Variants in SVEP1 observed in about 807,000 individuals in gnomAD.
SVEP1 encodes sushi, von Willebrand factor type A, EGF and pentraxin domain-containing protein 1.
A neutral mutation model predicts 367.3 loss-of-function variants in SVEP1; 164 were observed. The ratio of observed to expected loss-of-function variants is 0.45; its 90% confidence interval spans 0.39 to 0.51. The LOEUF is 0.51. SVEP1 is among the 20% of genes least tolerant of loss of function. SVEP1 has a pLI of 0.00. For synonymous variants in SVEP1, 1,666 were observed against 1,611.6 expected (o/e 1.03, Z -0.81); for missense variants, 4,117 against 4,425.3 (o/e 0.93, Z 1.98).
chr9:110,560,580 C>A (rs182010947), intron 1 of SVEP1, among the ~76,000 whole-genome samples: 1 of 152,170 alleles, frequency 6.6e-6, no homozygotes, highest in Non-Finnish European at 1.5e-5. Flanking sequence ...CAACTTCCAA[C>A]GTGAAGTTCC....
rs556616958 is a variant in SVEP1 at position 110,460,801 on chromosome 9, T to A, written c.3323-1688A>T. Among the ~76,000 whole-genome samples the A allele has an allele frequency of 5.1e-4, 77 of 152,138 alleles. 1 individual carries two copies. Among genetic ancestry groups the A allele is most frequent in the Non-Finnish European group, 2.6e-4 (18 of 68,014 alleles). ...TCAAGGAAGGTATTAAAATCTTCCA[T>A]GAAAATTTTATTTTTACAATTTACC... On this transcript the variant is annotated intron_variant, in intron 18 of 47. Coordinates refer to ENST00000374469, the MANE Select transcript of SVEP1 (RefSeq NM_153366.4).
At chr9:110,410,360 G>T (rs927218824) in intron 37 of SVEP1, among the ~76,000 whole-genome samples, 2 of 152,088 alleles carry the variant, frequency 1.3e-5, no homozygotes, top group African/African-American at 4.8e-5. Flanking sequence ...GAACTCTTTT[G>T]TCCATCACAG....
At chr9:110,447,206 C>T in intron 24 of SVEP1, 149 bp from the exon 25 acceptor site, 1 of 682,352 alleles carries the variant, frequency 1.5e-6, no homozygotes, top group South Asian at 3.8e-5. Context: ...TTACTTTTTC[C>T]AGTTCACTTG....
At chr9:110,387,930 GTTTACA>G (rs1827551773) in intron 41 of SVEP1, among the ~76,000 whole-genome samples, 1 of 151,984 alleles carries the variant, frequency 6.6e-6, no homozygotes, top group Non-Finnish European at 1.5e-5. Context: ...ATATTTATAA[GTTTACA>G]TTTAAATTAT....
At chr9:110,482,315 T>C (rs762946609) in intron 11 of SVEP1, 46 bp downstream of exon 11, 6 of 1,589,574 alleles carry the variant, frequency 3.8e-6, no homozygotes, top group Non-Finnish European at 5.1e-6. Flanking sequence ...AGCAATGACA[T>C]GTGTCAAATG....
chr9:110,579,467 G>T lies in SVEP1; in HGVS notation c.77C>A (p.Pro26Gln), dbSNP rs1275426218. 6.2e-7 allele frequency: 1 copy of T among 1,603,204 alleles called. No individual in the cohort carries two copies. The highest frequency in any genetic ancestry group is 1.3e-5 in the African/African-American group (1 of 74,740). ...SGWATFQQMSPSRNFSFRLFP... is the reference protein window; with the variant it reads ...SGWATFQQMSQSRNFSFRLFP... ...GAGGCGGAAGCTGAAATTGCGCGACGGGGACATCTGCTGAAAGGTCGCCCA... is the reference window on the plus strand; with the variant it reads ...GAGGCGGAAGCTGAAATTGCGCGACTGGGACATCTGCTGAAAGGTCGCCCA... The change falls in exon 1 of 48, where the codon CCG becomes CAG. Residue 26 changes from proline (P) to glutamine (Q), a missense_variant. Physicochemically the swap from Pro to Gln is moderately conservative, Grantham distance 76 (BLOSUM62 -1). Around this residue, in one of 4 missense-constraint regions of SVEP1, gnomAD observed 161 missense variants for 122.4 expected, o/e 1.32. Coordinates refer to ENST00000374469, the MANE Select transcript of SVEP1 (RefSeq NM_153366.4). The surrounding 1 kb of genome is among the most constrained non-coding windows in gnomAD (Gnocchi z 5.3).
intron 8 of SVEP1, among the ~76,000 whole-genome samples, chr9:110,491,303 T>C (rs1172661263): frequency 1.3e-5 from 2 of 152,124 alleles, no homozygotes; most frequent in East Asian, 1.9e-4. Context: ...AACAGTACTT[T>C]TGAAATACAT....
In SVEP1 at chr9:110,434,498, G is replaced by A. The variant is rs368005288; in HGVS notation, c.4897C>T (p.Arg1633Cys). The stretch of plus-strand genomic sequence containing the variant: ...AGATGAGGCACTGACCCTCCTAAGC[G>A]TGGGCAATCTGAGGGCAAAGAACAC... ...SKSIFCSDCP[R>C]LGGSVPHLRT... is the part of the protein sequence containing the mutation. The change falls in exon 30 of 48, where the codon CGC becomes TGC. Residue 1633 changes from arginine (R) to cysteine (C), a missense_variant. Transcript: ENST00000374469. The A allele has an allele frequency of 1.9e-5, 30 of 1,612,660 alleles. No homozygotes were observed. The highest frequency in any genetic ancestry group is 5.5e-5 in the South Asian group (5 of 90,932).
At chr9:110,530,948 T>C (rs1458249696) in intron 3 of SVEP1, among the ~76,000 whole-genome samples, 1 of 152,220 alleles carries the variant, frequency 6.6e-6, no homozygotes, top group Non-Finnish European at 1.5e-5. Flanking sequence ...TTCTTGTTAG[T>C]ATAAATGGAA....
chr9:110,457,467 A>C (rs1828793237), intron 20 of SVEP1, 115 bp from the exon 21 acceptor site: 3 of 766,022 alleles, frequency 3.9e-6, no homozygotes, highest in Non-Finnish European at 6.5e-6. Flanking sequence ...GTTTCCAGGT[A>C]AGTTCACTCA....
intron 1 of SVEP1, among the ~76,000 whole-genome samples, chr9:110,551,731 G>T (rs1196679833): frequency 6.6e-6 from 1 of 152,178 alleles, no homozygotes; most frequent in African/African-American, 2.4e-5. Flanking sequence ...TGGAATGAAT[G>T]CTTGGTAAGT....
chr9:110,404,598 T>C (rs1373004065), intron 38 of SVEP1, 46 bp from the exon 39 acceptor site: 21 of 1,543,288 alleles, frequency 1.4e-5, no homozygotes, highest in Non-Finnish European at 1.6e-5. Flanking sequence ...AAGTACAATA[T>C]AGTTTCTGAT....
rs117538534 is a variant in SVEP1, at chr9:110,568,820, C to A, written c.531+10193G>T. On this transcript the variant is annotated intron_variant, in intron 1 of 47. Transcript: ENST00000374469. Reference sequence around the variant, plus strand: ...CCAACTTTGAAATTAGAAAGACAGGCCAGGAGTGATGGCTCATGCCTATAA... The same window carrying A: ...CCAACTTTGAAATTAGAAAGACAGGACAGGAGTGATGGCTCATGCCTATAA... 3.6e-3 allele frequency among the ~76,000 whole-genome samples: 509 copies of A among 143,378 alleles called. 1 individual carries two copies. Among genetic ancestry groups the A allele is most frequent in the Non-Finnish European group, 4.5e-3 (294 of 64,642 alleles). 94.1% of individuals were successfully genotyped at this position (143,378 alleles called of 152,430 possible).
At chr9:110,499,578 C>A (rs548216564) in intron 6 of SVEP1, among the ~76,000 whole-genome samples, 1 of 152,136 alleles carries the variant, frequency 6.6e-6, no homozygotes, top group Non-Finnish European at 1.5e-5. Flanking sequence ...AGTCATAAAT[C>A]GAATTCCATA....
chr9:110,468,156 C>T (rs1036273121), intron 17 of SVEP1, among the ~76,000 whole-genome samples: 14 of 152,202 alleles, frequency 9.2e-5, no homozygotes, highest in African/African-American at 3.4e-4. Flanking sequence ...TGGCCTAACA[C>T]ACCAGGCTAA....
intron 2 of SVEP1, 87 bp downstream of exon 2, chr9:110,549,762 A>G (rs779873084): frequency 1.3e-6 from 2 of 1,520,082 alleles, no homozygotes; most frequent in Non-Finnish European, 1.8e-6. Context: ...TGAGAGTTTG[A>G]TATTACCCTC....
chr9:110,453,362 G>A (rs1351378633), intron 22 of SVEP1, among the ~76,000 whole-genome samples: 1 of 151,900 alleles, frequency 6.6e-6, no homozygotes, highest in African/African-American at 2.4e-5. Context: ...TTATAATGTG[G>A]GTTAACAAGG....
chr9:110,405,785 G>T (rs1827944853), intron 38 of SVEP1, among the ~76,000 whole-genome samples: 1 of 152,066 alleles, frequency 6.6e-6, no homozygotes, highest in South Asian at 2.1e-4. Flanking sequence ...CCCAATATTT[G>T]CATGTGTCAA....
At chr9:110,504,443 T>C (rs1829591832) in intron 5 of SVEP1, among the ~76,000 whole-genome samples, 1 of 152,126 alleles carries the variant, frequency 6.6e-6, no homozygotes, top group Non-Finnish European at 1.5e-5. Context: ...TCTTCCACAA[T>C]ACAGACATGA....
Sources: gnomAD v4.1 joint callset for allele counts (sites outside exome capture counted in the v4.1 genomes callset) on GRCh38, gnomAD v4.1.1 for gene constraint, gnomAD v4.1.1 regional missense constraint, Gnocchi (gnomAD v3.1) non-coding constraint, MANE v1.5 for transcripts, NCBI Gene and HGNC (gene_info 2026-07-23, HGNC 2026-07-21) for gene names.